MARCHF7: variants seen among roughly 807,000 people sequenced by gnomAD.
MARCHF7 encodes membrane associated ring-CH-type finger 7.
MARCHF7 carries 20 observed loss-of-function variants against 76.5 expected under a neutral mutation model. The observed-to-expected ratio is 0.26, with a 90% CI of 0.18 to 0.38. MARCHF7 has a LOEUF of 0.38. MARCHF7 is among the 10% of genes least tolerant of loss of function. MARCHF7 has a pLI of 1.00. For synonymous variants in MARCHF7, 295 were observed against 293.0 expected, an observed-to-expected ratio of 1.01 and a Z score of -0.07; for missense variants, 797 against 812.9, an observed-to-expected ratio of 0.98 and a Z score of 0.24.
intron 7 of MARCHF7, among the ~76,000 whole-genome samples, chr2:159,749,668 T>C (rs1162095886): frequency 6.6e-6 from 1 of 151,682 alleles, no homozygotes; most frequent in Non-Finnish European, 1.5e-5. Context: ...TCCCTTTACA[T>C]CCAGTAAGAT....
intron 4 of MARCHF7, among the ~76,000 whole-genome samples, chr2:159,736,919 C>T (rs557981670): frequency 6.6e-6 from 1 of 152,340 alleles, no homozygotes; most frequent in East Asian, 1.9e-4. Context: ...GATAGCCCTC[C>T]ACCTCTTCCC....
At chr2:159,767,136 C>CTGTT in intron 11 of MARCHF7, 148 bp from the exon 12 acceptor site, 1 of 601,830 alleles carries the variant, frequency 1.7e-6, no homozygotes, top group Non-Finnish European at 2.9e-6. Flanking sequence ...CACCCTAACC[C>CTGTT]TGTCATACAA....
At chr2:159,747,717 G>GTGC (rs1705077473) in intron 6 of MARCHF7, 88 bp from the exon 7 acceptor site, 10 of 1,270,800 alleles carry the variant, frequency 7.9e-6, no homozygotes, top group Non-Finnish European at 1.1e-5. Context: ...TTTGAATCCA[G>GTGC]TGCTTCGTTT....
intron 11 of MARCHF7, 28 bp from the exon 12 acceptor site, chr2:159,767,256 T>C: frequency 1.3e-6 from 2 of 1,567,294 alleles, no homozygotes; most frequent in Non-Finnish European, 1.8e-6. Flanking sequence ...TTAAAATCAT[T>C]CTTGATCATC....
rs1703569869 is a variant in MARCHF7, at chr2:159,737,263, G to T, written c.154-5798G>T. Among the ~76,000 whole-genome samples the T allele has an allele frequency of 1.3e-5, 2 of 152,158 alleles. 1 individual carries two copies. The highest frequency in any genetic ancestry group is 4.1e-4 in the South Asian group (2 of 4,832). ...CAGAATGAGAGAAAATATTTGCAAA[G>T]TATATATCTTACTGGATACTGAGAC... On this transcript the variant is annotated intron_variant, in intron 4 of 11. Coordinates refer to ENST00000409175, the MANE Select transcript of MARCHF7 (RefSeq NM_001282805.2).
rs77416732 is a variant in MARCHF7 at position 159,751,210 on chromosome 2, C to T, written c.1614-1192C>T. ...TAAGTACAGTAGTGTAGGCAGAGAG[C>T]AAAGCGTTACTTTAGTTATCTTCAG... On this transcript the variant is annotated intron_variant, in intron 7 of 11. Transcript: ENST00000409175. 1.4e-3 allele frequency among the ~76,000 whole-genome samples: 219 copies of T among 152,256 alleles called. 1 individual carries two copies. Among genetic ancestry groups the T allele is most frequent in the African/African-American group, 4.9e-3 (205 of 41,550 alleles).
At chr2:159,736,167 CTG>C (rs1198834453) in intron 4 of MARCHF7, among the ~76,000 whole-genome samples, 1 of 152,166 alleles carries the variant, frequency 6.6e-6, no homozygotes, top group African/African-American at 2.4e-5. Flanking sequence ...TGCATAACCT[CTG>C]TGTTCAATCG....
chr2:159,723,102 A>AT (rs1401440645), intron 3 of MARCHF7, among the ~76,000 whole-genome samples: 2 of 152,252 alleles, frequency 1.3e-5, no homozygotes, highest in African/African-American at 2.4e-5. Flanking sequence ...AGCTGCCTTG[A>AT]TAAAATACCA....
chr2:159,752,058 G>A (rs1296614195), intron 7 of MARCHF7, among the ~76,000 whole-genome samples: 1 of 152,020 alleles, frequency 6.6e-6, no homozygotes, highest in African/African-American at 2.4e-5. Flanking sequence ...AATCTCTTAG[G>A]GGTACTTGTA....
At position 159,747,885 on chromosome 2, in the gene MARCHF7, T is replaced by C; in HGVS notation, c.595T>C (p.Ser199Pro). 6.2e-7 allele frequency: 1 copy of C among 1,614,140 alleles called. No homozygotes were observed. Among genetic ancestry groups the C allele is most frequent in the Non-Finnish European group, 8.5e-7 (1 of 1,179,994 alleles). The change falls in exon 7 of 12, where the codon TCA (serine) becomes CCA (proline). Residue 199 changes from serine (S) to proline (P), a missense_variant. Coordinates refer to ENST00000409175, the MANE Select transcript of MARCHF7 (RefSeq NM_001282805.2). ...NSMSTLQLNT[S>P]STNHQLPSEH... ...AATGAGCACTTTACAGTTGAATACA[T>C]CATCCACAAACCACCAATTGCCTTC...
chr2:159,744,197 C>T lies in MARCHF7; in HGVS notation c.346+944C>T, dbSNP rs1379749094. ...AGAGACGGGGTTTCACCGTTTTTAG[C>T]CGGGATGGTCTCGATCTCCTGACCT... is the stretch of plus-strand genomic sequence containing the variant. On this transcript the variant is annotated intron_variant, in intron 5 of 11. Transcript: ENST00000409175. Among the ~76,000 whole-genome samples the T allele has an allele frequency of 5.3e-5, 8 of 151,650 alleles. 1 individual carries two copies. The highest frequency in any genetic ancestry group is 1.2e-4 in the Non-Finnish European group (8 of 67,914).
At position 159,748,261 on chromosome 2, in the gene MARCHF7, C is replaced by T; in HGVS notation, c.971C>T (p.Ser324Leu). ...SYVSPRILTA[S>L]QSRSNVPSAS... ...GTTTCTCCAAGAATCTTGACAGCTTCACAGTCCCGTAGTAATGTACCATCA... is the reference window on the plus strand; with the variant it reads ...GTTTCTCCAAGAATCTTGACAGCTTTACAGTCCCGTAGTAATGTACCATCA... Residue 324 changes from serine (S) to leucine (L), a missense_variant, in exon 7 of 12, where the codon TCA becomes TTA. By Grantham distance (145) the Ser-to-Leu change is moderately radical (BLOSUM62 -2). Coordinates refer to ENST00000409175, the MANE Select transcript of MARCHF7 (RefSeq NM_001282805.2). 6.2e-7 allele frequency: 1 copy of T among 1,613,776 alleles called. No homozygotes were observed. The highest frequency in any genetic ancestry group is 1.3e-5 in the African/African-American group (1 of 75,024).
In MARCHF7 at chr2:159,764,639, C is replaced by A; in HGVS notation, c.2021C>A (p.Ala674Glu). 1 of 1,601,948 alleles carries A rather than the reference C, an allele frequency of 6.2e-7. No individual in the cohort carries two copies. The highest frequency in any genetic ancestry group is 8.5e-7 in the Non-Finnish European group (1 of 1,174,396). The change falls in exon 11 of 12, where the codon GCA becomes GAA. Residue 674 changes from alanine to glutamate, a missense_variant. Ala to Glu is a moderately radical substitution (Grantham distance 107). Around this residue, in one of 3 missense-constraint regions of MARCHF7, gnomAD observed 124 missense variants for 121.3 expected, o/e 1.02. Transcript: ENST00000409175. ...PSTRVRFINL[A>E]RTLQAHMEDL... ...CATTGTTTCTAGTTTATTAACCTTG[C>A]AAGAACTCTTCAGGCACATATGGAA...
At chr2:159,743,278 T>C in intron 5 of MARCHF7, 25 bp downstream of exon 5, 1 of 1,594,336 alleles carries the variant, frequency 6.3e-7, no homozygotes, top group Non-Finnish European at 8.6e-7. Flanking sequence ...CTGTAGGTAT[T>C]TTAAGCCGTT....
In MARCHF7 at chr2:159,769,350, G is replaced by GA. The variant is rs1210039286; in HGVS notation, c.*2014dup. 3 of 152,098 alleles carry GA rather than the reference G, an allele frequency of 2.0e-5. No homozygotes were observed. In the East Asian group the frequency reaches 5.8e-4, roughly 29 times the overall value. The allele number at this position is 152,098 out of a possible 1,614,324, so 9.4% of individuals were successfully genotyped here. The stretch of plus-strand genomic sequence containing the variant: ...TGTTATAGATGTTCTGGTATATAAA[G>GA]AAAAAATGTAGGCCAAGTGTGGTGG... On this transcript the variant is annotated 3_prime_UTR_variant, in exon 12 of 12. Coordinates refer to ENST00000409175, the MANE Select transcript of MARCHF7 (RefSeq NM_001282805.2).
intron 7 of MARCHF7, among the ~76,000 whole-genome samples, chr2:159,751,458 A>T (rs1408154429): frequency 6.6e-6 from 1 of 152,234 alleles, no homozygotes; most frequent in Non-Finnish European, 1.5e-5. Flanking sequence ...GGTAAAATGT[A>T]AATACCATGT....
chr2:159,759,969 G>T (rs1241495746), intron 9 of MARCHF7, among the ~76,000 whole-genome samples: 1 of 152,128 alleles, frequency 6.6e-6, no homozygotes, highest in African/African-American at 2.4e-5. Context: ...AAATGTAGGG[G>T]TAATGGGCCT....
intron 8 of MARCHF7, among the ~76,000 whole-genome samples, chr2:159,756,881 T>G (rs771205693): frequency 2.1e-5 from 3 of 145,532 alleles, no homozygotes; most frequent in Non-Finnish European, 4.6e-5. Context: ...TGCGATTAAA[T>G]TAAATGGGAG....
chr2:159,767,966 T>C lies in MARCHF7; in HGVS notation c.*624T>C, dbSNP rs1707976073. 1 of 152,528 alleles carries C rather than the reference T, an allele frequency of 6.6e-6. No individual in the cohort carries two copies. Among genetic ancestry groups the C allele is most frequent in the Non-Finnish European group, 1.5e-5 (1 of 67,958 alleles). The allele number at this position is 152,528 out of a possible 1,614,324, so 9.4% of individuals were successfully genotyped here. A position where few individuals can be genotyped will look rare whatever the true frequency, so the allele number is the denominator to read the frequency against. On this transcript the variant is annotated 3_prime_UTR_variant, in exon 12 of 12. Transcript: ENST00000409175. ...AGTATATAAATATAAAATGTATAAATGATGGATAGATTTTTGTATTGATTT... is the reference window on the plus strand; with the variant it reads ...AGTATATAAATATAAAATGTATAAACGATGGATAGATTTTTGTATTGATTT...
Sources: gnomAD v4.1 joint callset for allele counts (sites outside exome capture counted in the v4.1 genomes callset) on GRCh38, gnomAD v4.1.1 for gene constraint, gnomAD v4.1.1 regional missense constraint, MANE v1.5 for transcripts, NCBI Gene and HGNC (gene_info 2026-07-23, HGNC 2026-07-21) for gene names.